The following ERBB4 variants were observed in gnomAD, a reference collection of about 807,000 sequenced individuals.
ERBB4 encodes the protein receptor tyrosine-protein kinase erbB-4.
ERBB4 carries 42 observed loss-of-function variants against 158.0 expected under a neutral mutation model. The observed-to-expected ratio is 0.27, with a 90% confidence interval of 0.21 to 0.34. The LOEUF (loss-of-function observed/expected upper bound fraction) is 0.34, where lower values mean the gene tolerates loss of function less well. Ranked by LOEUF, ERBB4 falls within the 10% of genes least tolerant of loss-of-function variation. The pLI, the probability that ERBB4 is intolerant of heterozygous loss-of-function variation, is 1.00. For synonymous variants in ERBB4, 583 were observed against 558.7 expected (o/e 1.04, Z -0.61); for missense variants, 1,333 against 1,624.1 (o/e 0.82, Z 3.08).
intron 2 of ERBB4, among the ~76,000 whole-genome samples, chr2:211,983,642 G>A (rs1454716089): frequency 2.0e-5 from 3 of 152,126 alleles, no homozygotes; most frequent in Non-Finnish European, 4.4e-5. Context: ...TCCACAGCAT[G>A]TCATATTTAG....
At chr2:211,549,330 T>C (rs943286859) in intron 20 of ERBB4, among the ~76,000 whole-genome samples, 1 of 151,562 alleles carries the variant, frequency 6.6e-6, no homozygotes, top group Non-Finnish European at 1.5e-5. Flanking sequence ...AACAAAAGGC[T>C]AGTTTCTTTA....
intron 20 of ERBB4, among the ~76,000 whole-genome samples, chr2:211,543,791 AAAG>A (rs71054109): frequency 0.29 from 43,238 of 151,304 alleles, 7,322 homozygotes; most frequent in East Asian, 0.61. Context: ...ATCTGATTTA[AAAG>A]AAGTTTTCAA....
At chr2:211,985,519 A>C (rs187057190) in intron 2 of ERBB4, among the ~76,000 whole-genome samples, 1 of 152,292 alleles carries the variant, frequency 6.6e-6, no homozygotes, top group African/African-American at 2.4e-5. Context: ...AAGGGTTCAT[A>C]AGTGGCAAAT....
intron 20 of ERBB4, among the ~76,000 whole-genome samples, chr2:211,463,310 C>A (rs2064585835): frequency 6.6e-6 from 1 of 152,150 alleles, no homozygotes; most frequent in African/African-American, 2.4e-5. Flanking sequence ...AATTGCAAAG[C>A]TACTCACTTG....
chr2:212,448,557 AC>A (rs2092398351), intron 1 of ERBB4, among the ~76,000 whole-genome samples: 1 of 152,112 alleles, frequency 6.6e-6, no homozygotes, highest in Non-Finnish European at 1.5e-5. Context: ...CTTCTCTGTA[AC>A]ATATAAAAGG....
intron 1 of ERBB4, among the ~76,000 whole-genome samples, chr2:212,133,065 T>C (rs1349773918): frequency 6.6e-6 from 1 of 152,110 alleles, no homozygotes; most frequent in African/African-American, 2.4e-5. Context: ...TTTCTTCATG[T>C]TTGCTCTTTT....
At chr2:211,998,973 A>G (rs895698366) in intron 2 of ERBB4, among the ~76,000 whole-genome samples, 2 of 151,852 alleles carry the variant, frequency 1.3e-5, no homozygotes, top group African/African-American at 4.8e-5. Flanking sequence ...ATGTTTAATC[A>G]TTTAACAAAA....
chr2:211,709,380 A>T (rs920896703), intron 9 of ERBB4, among the ~76,000 whole-genome samples: 4 of 151,320 alleles, frequency 2.6e-5, no homozygotes, highest in Non-Finnish European at 2.9e-5. Context: ...ATGATGAACC[A>T]AGACTAAAAT....
chr2:212,020,792 G>A lies in ERBB4; in HGVS notation c.235-73176C>T, dbSNP rs561352378. Among the ~76,000 whole-genome samples, 4 of 152,156 alleles carry A rather than the reference G, an allele frequency of 2.6e-5. No homozygotes were observed. The South Asian group carries it at 8.3e-4, about 32-fold the overall frequency. On this transcript the variant is annotated intron_variant, in intron 2 of 27. Transcript: ENST00000342788. Reference sequence around the variant, plus strand: ...AATTCAGATCATTCAACATGCAATTGGTATCACAGAAACAAAGTCTTCTTT... The same window carrying A: ...AATTCAGATCATTCAACATGCAATTAGTATCACAGAAACAAAGTCTTCTTT...
At chr2:211,594,072 C>A (rs1230114830) in intron 19 of ERBB4, among the ~76,000 whole-genome samples, 1 of 152,104 alleles carries the variant, frequency 6.6e-6, no homozygotes, top group African/African-American at 2.4e-5. Flanking sequence ...TAACATTTTG[C>A]ACACTAAATT....
At chr2:211,982,352 A>T (rs2081824383) in intron 2 of ERBB4, among the ~76,000 whole-genome samples, 1 of 152,182 alleles carries the variant, frequency 6.6e-6, no homozygotes, top group Non-Finnish European at 1.5e-5. Flanking sequence ...CTGCCTTGAG[A>T]AAGTGATCTT....
intron 3 of ERBB4, among the ~76,000 whole-genome samples, chr2:211,908,433 A>G (rs748206817): frequency 6.6e-6 from 1 of 151,766 alleles, no homozygotes; most frequent in Non-Finnish European, 1.5e-5. Flanking sequence ...TTTCAAATCT[A>G]TTGAGGAATT....
chr2:211,413,310 ACACAC>A (rs1191948035), intron 25 of ERBB4, among the ~76,000 whole-genome samples: 15,591 of 95,690 alleles, frequency 0.16, 3,228 homozygotes, highest in Non-Finnish European at 0.2. Context: ...TGTCTTAAAA[ACACAC>A]ACACACACAC....
chr2:211,919,751 A>G (rs888968014), intron 3 of ERBB4, among the ~76,000 whole-genome samples: 1 of 152,030 alleles, frequency 6.6e-6, no homozygotes, highest in African/African-American at 2.4e-5. Flanking sequence ...TTGTTTATGC[A>G]TGGTCTGTGA....
chr2:211,728,523 A>G (rs2106144184), intron 5 of ERBB4, among the ~76,000 whole-genome samples: 1 of 151,904 alleles, frequency 6.6e-6, no homozygotes, highest in East Asian at 1.9e-4. Flanking sequence ...TTTAACAGAC[A>G]GTTTTGTACA....
chr2:211,879,835 C>G (rs1325504053), intron 3 of ERBB4, among the ~76,000 whole-genome samples: 1 of 151,722 alleles, frequency 6.6e-6, no homozygotes, highest in Non-Finnish European at 1.5e-5. Context: ...TTATAAGTTC[C>G]AATATGTGAA....
rs753682457 is a variant in ERBB4 at position 211,561,995 on chromosome 2, T to C, written c.2395A>G (p.Met799Val). 1.2e-6 allele frequency: 2 copies of C among 1,614,148 alleles called. No individual in the cohort carries two copies. The highest frequency in any genetic ancestry group is 4.5e-5 in the East Asian group (2 of 44,874). ...SPTIQLVTQL[M>V]PHGCLLEYVH... is the part of the protein sequence containing the mutation. ...TACTCCAACAGGCAGCCATGGGGCA[T>C]AAGTTGAGTAACCAGCTGGATGGTT... Residue 799 changes from methionine (M) to valine (V), a missense_variant, in exon 20 of 28, where the codon ATG (methionine) becomes GTG (valine). By Grantham distance (21) the Met-to-Val change is conservative. Transcript: ENST00000342788.
chr2:211,900,883 A>G (rs1015942688), intron 3 of ERBB4, among the ~76,000 whole-genome samples: 5 of 152,132 alleles, frequency 3.3e-5, no homozygotes, highest in Non-Finnish European at 7.4e-5. Flanking sequence ...TATTTTCCTG[A>G]GCAATATTTC....
chr2:212,424,722 T>TTTGA, intron 1 of ERBB4, among the ~76,000 whole-genome samples: 1 of 151,954 alleles, frequency 6.6e-6, no homozygotes, highest in South Asian at 2.1e-4. Context: ...GTTTTCTTTT[T>TTTGA]TTGTTTGTTT....
Sources: allele counts gnomAD v4.1 joint callset (sites outside exome capture counted in the v4.1 genomes callset), GRCh38; gene constraint gnomAD v4.1.1; transcripts MANE v1.5; gene names NCBI Gene and HGNC (gene_info 2026-07-23, HGNC 2026-07-21).